The following FLYWCH1 variants were observed in gnomAD, a reference collection of about 807,000 sequenced individuals.
FLYWCH1 encodes FLYWCH-type zinc finger 1.
FLYWCH1 carries 75 observed loss-of-function variants against 66.4 expected under a neutral mutation model. The ratio of observed to expected loss-of-function variants is 1.13; its 90% CI spans 0.94 to 1.37. FLYWCH1 has a LOEUF of 1.37. Among genes scored for constraint, FLYWCH1 ranks in the 40% most tolerant of loss-of-function variants. The pLI is 0.00. For missense variants in FLYWCH1, 1,334 were observed against 1,001.8 expected (o/e 1.33, Z -4.48); for synonymous variants, 595 against 429.9 (o/e 1.38, Z -4.75).
chr16:2,926,683 G>A, intron 2 of FLYWCH1, among the ~76,000 whole-genome samples: 1 of 152,174 alleles, frequency 6.6e-6, no homozygotes, highest in African/African-American at 2.4e-5. Context: ...TATTACAGAT[G>A]ATAACACCCA....
chr16:2,943,989 C>G (rs12051164), intron 9 of FLYWCH1, among the ~76,000 whole-genome samples: 42,740 of 151,754 alleles, frequency 0.28, 6,141 homozygotes, highest in Admixed American at 0.3. Flanking sequence ...CCAGCTACTT[C>G]GGAGGCTGAG....
At chr16:2,942,720 C>T (rs1361149830) in intron 9 of FLYWCH1, among the ~76,000 whole-genome samples, 8 of 82,790 alleles carry the variant, frequency 9.7e-5, no homozygotes, top group South Asian at 4.6e-4. Context: ...CATCTGGGAA[C>T]TTTTTTTTTT....
intron 3 of FLYWCH1, among the ~76,000 whole-genome samples, 199 bp from the exon 4 acceptor site, chr16:2,930,211 A>T (rs2070712158): frequency 6.6e-6 from 1 of 152,122 alleles, no homozygotes; most frequent in African/African-American, 2.4e-5. Flanking sequence ...AGTGACGTGC[A>T]GAATTCCTTC....
rs1308691819 is a variant in FLYWCH1 at position 2,930,581 on chromosome 16, C to T, written c.497C>T (p.Ala166Val). ...RGRAITRGLRATVMRGHCHAP... is the reference protein window; with the variant it reads ...RGRAITRGLRVTVMRGHCHAP... The stretch of plus-strand genomic sequence containing the variant: ...CGGGCCATCACCCGAGGCCTGCGGG[C>T]CACAGTGATGCGGGGCCACTGCCAC... Residue 166 changes from alanine to valine, a missense_variant, in exon 4 of 10, where the codon GCC becomes GTC. Ala to Val is a moderately conservative substitution (Grantham distance 64, BLOSUM62 0). Transcript: ENST00000253928. 1 of 1,556,974 alleles carries T rather than the reference C, an allele frequency of 6.4e-7. No individual in the cohort carries two copies. Among genetic ancestry groups the T allele is most frequent in the Non-Finnish European group, 8.7e-7 (1 of 1,152,202 alleles).
chr16:2,932,920 G>A (rs1027290743), intron 4 of FLYWCH1, among the ~76,000 whole-genome samples: 4 of 151,866 alleles, frequency 2.6e-5, no homozygotes, highest in African/African-American at 9.7e-5. Context: ...TGACCGCTAG[G>A]AGAGGAATGA....
chr16:2,938,471 T>G lies in FLYWCH1; in HGVS notation c.2050+15T>G. On this transcript the variant is annotated intron_variant, in intron 8 of 9. Transcript: ENST00000253928. ...GGAGGACCCAGGTACAGGCAGGCTG[T>G]GGGGCAGAGGCAGGGCTGTGGGCAT... The G allele has an allele frequency of 7.9e-6, 12 of 1,512,114 alleles. No homozygotes were observed. The highest frequency in any genetic ancestry group is 9.7e-6 in the Non-Finnish European group (11 of 1,132,760). 93.7% of individuals were successfully genotyped at this position (1,512,114 alleles called of 1,614,324 possible).
At chr16:2,942,195 A>G (rs765788735) in intron 9 of FLYWCH1, among the ~76,000 whole-genome samples, 2 of 152,118 alleles carry the variant, frequency 1.3e-5, no homozygotes, top group Admixed American at 6.6e-5. Flanking sequence ...TATGGACCTC[A>G]TTCTGGCAGA....
chr16:2,944,757 G>A (rs533190478), intron 9 of FLYWCH1, among the ~76,000 whole-genome samples: 1 of 151,558 alleles, frequency 6.6e-6, no homozygotes, highest in Admixed American at 6.6e-5. Flanking sequence ...GGGAGGTGGA[G>A]GTTGCAGTGA....
intron 5 of FLYWCH1, 36 bp downstream of exon 5, chr16:2,933,618 C>G: frequency 6.4e-7 from 1 of 1,565,120 alleles, no homozygotes; most frequent in Non-Finnish European, 8.7e-7. Context: ...CCGGCCCTGC[C>G]TTGACTCTTG....
chr16:2,947,753 ACT>A (rs1320210416), intron 9 of FLYWCH1, among the ~76,000 whole-genome samples: 1 of 123,822 alleles, frequency 8.1e-6, no homozygotes, highest in African/African-American at 3.6e-5. Context: ...CAAGAGCAAA[ACT>A]CTTATCTCAA....
intron 9 of FLYWCH1, among the ~76,000 whole-genome samples, chr16:2,941,738 A>G (rs1377736165): frequency 2.6e-5 from 4 of 151,454 alleles, no homozygotes; most frequent in African/African-American, 9.7e-5. Context: ...AAAAGAACTA[A>G]AAGTCTGGGC....
chr16:2,925,067 G>A lies in FLYWCH1; in HGVS notation c.-73-4546G>A, dbSNP rs1052594704. Among the ~76,000 whole-genome samples the A allele has an allele frequency of 2.0e-5, 3 of 152,226 alleles. No homozygotes were observed. In the South Asian group the frequency reaches 6.2e-4, roughly 32 times the overall value. ...CCCTGCCCGCCTGCACTCCCATGGC[G>A]CAGCTGTGTCCTGCAGGACCAGCTG... On this transcript the variant is annotated intron_variant, in intron 2 of 9. Transcript: ENST00000253928.
chr16:2,930,292 G>C (rs938267164), intron 3 of FLYWCH1, 118 bp from the exon 4 acceptor site: 2 of 671,806 alleles, frequency 3.0e-6, no homozygotes, highest in Non-Finnish European at 5.0e-6. Flanking sequence ...TTCTTGCTTG[G>C]GAGCAGGAGG....
chr16:2,938,154 C>A (rs1342583187), intron 7 of FLYWCH1, 30 bp from the exon 8 acceptor site: 1 of 1,602,874 alleles, frequency 6.2e-7, no homozygotes, highest in Non-Finnish European at 8.5e-7. Flanking sequence ...GCCCCTGTGG[C>A]CCCACTCACA....
In FLYWCH1 at chr16:2,933,369, A is replaced by G. The variant is rs2070847787; in HGVS notation, c.1036A>G (p.Lys346Glu). Reference protein sequence around the residue: ...EGLEARRQQEKAVETLQAGQD... With the variant: ...EGLEARRQQEEAVETLQAGQD... Reference sequence around the variant, plus strand: ...CCTGGAAGCCCGGCGGCAGCAGGAGAAGGCCGTGGAGACGCTGCAGGCTGG... The same window carrying G: ...CCTGGAAGCCCGGCGGCAGCAGGAGGAGGCCGTGGAGACGCTGCAGGCTGG... The change falls in exon 5 of 10, where the codon AAG (lysine) becomes GAG (glutamate). Residue 346 changes from lysine to glutamate, a missense_variant. Transcript: ENST00000253928. 1.9e-6 allele frequency: 3 copies of G among 1,603,384 alleles called. No homozygotes were observed. The highest frequency in any genetic ancestry group is 2.6e-6 in the Non-Finnish European group (3 of 1,175,628).
chr16:2,945,810 A>T (rs2071458977), intron 9 of FLYWCH1, among the ~76,000 whole-genome samples: 1 of 152,066 alleles, frequency 6.6e-6, no homozygotes, highest in Non-Finnish European at 1.5e-5. Flanking sequence ...ATCCTGGCTA[A>T]CATGGTGAAA....
intron 9 of FLYWCH1, among the ~76,000 whole-genome samples, chr16:2,945,830 T>C (rs558440254): frequency 9.9e-5 from 15 of 151,988 alleles, no homozygotes; most frequent in Admixed American, 2.6e-4. Flanking sequence ...ATCCCATCTC[T>C]ACTAAAAATA....
In FLYWCH1 at chr16:2,927,389, C is replaced by T. The variant is rs550428520; in HGVS notation, c.-73-2224C>T. Among the ~76,000 whole-genome samples the T allele has an allele frequency of 5.3e-5, 8 of 152,162 alleles. 1 individual carries two copies. The highest frequency in any genetic ancestry group is 1.9e-4 in the African/African-American group (8 of 41,432). On this transcript the variant is annotated intron_variant, in intron 2 of 9. Coordinates refer to ENST00000253928, the MANE Select transcript of FLYWCH1 (RefSeq NM_001308068.2). ...CGGTGGCTAATGCTAGATATGAACG[C>T]TTCACCATGAAAATGTTAAAAGACA...
At chr16:2,932,861 A>T (rs1182816814) in intron 4 of FLYWCH1, among the ~76,000 whole-genome samples, 2 of 147,996 alleles carry the variant, frequency 1.4e-5, no homozygotes, top group East Asian at 4.0e-4. Context: ...GAGGAATGAG[A>T]CTCTCCTCTG....
Sources: allele counts gnomAD v4.1 joint callset (sites outside exome capture counted in the v4.1 genomes callset), GRCh38; gene constraint gnomAD v4.1.1; transcripts MANE v1.5; gene names NCBI Gene and HGNC (gene_info 2026-07-23, HGNC 2026-07-21).